PDGFRL: variants seen among roughly 807,000 people sequenced by gnomAD.
PDGFRL encodes the protein platelet-derived growth factor receptor-like protein.
In PDGFRL, 46 loss-of-function variants were observed where a neutral mutation model predicts 37.2. The ratio of observed to expected loss-of-function variants is 1.24; its 90% CI spans 0.98 to 1.58. The LOEUF (loss-of-function observed/expected upper bound fraction) is 1.58. PDGFRL is among the 40% of genes most tolerant of loss of function. PDGFRL has a pLI of 0.00. For missense variants in PDGFRL, 692 were observed against 467.6 expected (o/e 1.48, Z -4.43); for synonymous variants, 251 against 184.3 (o/e 1.36, Z -2.93).
chr8:17,621,321 C>G (rs1804629353), intron 3 of PDGFRL, 119 bp downstream of exon 3: 2 of 620,838 alleles, frequency 3.2e-6, no homozygotes, highest in Admixed American at 6.3e-5. Context: ...TCCTGTTTGC[C>G]AGGCTCTGGG....
rs575338644 is a variant in PDGFRL, at chr8:17,604,465, C to T, written c.353+14700C>T. Among the ~76,000 whole-genome samples, 15 of 152,156 alleles carry T rather than the reference C, an allele frequency of 9.9e-5. No individual in the cohort carries two copies. In the South Asian group the frequency reaches 2.9e-3, roughly 29 times the overall value. ...ATGGATGAAGCTGGAAACCATCATT[C>T]TCAGCAAACTGTCGTAAGGACAAAA... is the stretch of plus-strand genomic sequence containing the variant. On this transcript the variant is annotated intron_variant, in intron 2 of 5. Coordinates refer to ENST00000251630, the MANE Select transcript of PDGFRL (RefSeq NM_001372073.1).
chr8:17,621,857 G>C (rs1804641787), intron 3 of PDGFRL, among the ~76,000 whole-genome samples: 1 of 152,104 alleles, frequency 6.6e-6, no homozygotes, highest in Non-Finnish European at 1.5e-5. Flanking sequence ...TTTTTCGGTA[G>C]AAGTGAGGTC....
chr8:17,621,944 G>A (rs988591880), intron 3 of PDGFRL, among the ~76,000 whole-genome samples: 14 of 152,126 alleles, frequency 9.2e-5, no homozygotes, highest in African/African-American at 3.1e-4. Context: ...AATTGCTGTA[G>A]TTACAGGCAT....
intron 4 of PDGFRL, among the ~76,000 whole-genome samples, chr8:17,630,310 A>C (rs144154095): frequency 7.3e-4 from 111 of 152,324 alleles, no homozygotes; most frequent in South Asian, 3.5e-3. Flanking sequence ...ACTTCTTTCA[A>C]TGTGGCCATT....
intron 1 of PDGFRL, among the ~76,000 whole-genome samples, chr8:17,588,007 G>C (rs150807285): frequency 1.3e-5 from 2 of 152,020 alleles, no homozygotes; most frequent in African/African-American, 4.8e-5. Flanking sequence ...TTTAGAGTCC[G>C]GTGGCCCACC....
At chr8:17,639,882 TTA>T (rs2129857570) in intron 5 of PDGFRL, among the ~76,000 whole-genome samples, 1 of 152,342 alleles carries the variant, frequency 6.6e-6, no homozygotes, top group South Asian at 2.1e-4. Context: ...TTTCAAACTT[TTA>T]GATTTCTCCT....
chr8:17,633,181 C>A (rs1029797322), intron 4 of PDGFRL, among the ~76,000 whole-genome samples: 1 of 152,128 alleles, frequency 6.6e-6, no homozygotes, highest in African/African-American at 2.4e-5. Context: ...GTAATCCCAG[C>A]ACTATGGGAG....
chr8:17,584,095 G>A (rs1208765783), intron 1 of PDGFRL, among the ~76,000 whole-genome samples: 1 of 152,172 alleles, frequency 6.6e-6, no homozygotes, highest in East Asian at 1.9e-4. Flanking sequence ...TGGATGGAAG[G>A]AAAAGAGGCT....
intron 1 of PDGFRL, among the ~76,000 whole-genome samples, chr8:17,587,696 C>G (rs529361586): frequency 1.9e-4 from 29 of 151,306 alleles, no homozygotes; most frequent in African/African-American, 6.8e-4. Context: ...GGTGTGATCT[C>G]GGCTCACTGT....
At chr8:17,613,745 A>T (rs559630096) in intron 2 of PDGFRL, among the ~76,000 whole-genome samples, 1 of 152,146 alleles carries the variant, frequency 6.6e-6, no homozygotes, top group African/African-American at 2.4e-5. Context: ...CAGGCATGGT[A>T]GTGTGCACTT....
At chr8:17,638,520 A>G (rs960593451) in intron 5 of PDGFRL, among the ~76,000 whole-genome samples, 1 of 151,616 alleles carries the variant, frequency 6.6e-6, no homozygotes, top group Admixed American at 6.6e-5. Flanking sequence ...TATATTCTGC[A>G]GTTGTTGGGT....
At chr8:17,585,316 C>T (rs924239979) in intron 1 of PDGFRL, among the ~76,000 whole-genome samples, 2 of 152,056 alleles carry the variant, frequency 1.3e-5, no homozygotes, top group African/African-American at 4.8e-5. Flanking sequence ...GGGAATGCTG[C>T]CCAGTGGTTC....
chr8:17,591,422 G>T (rs1451160439), intron 2 of PDGFRL, among the ~76,000 whole-genome samples: 1 of 152,156 alleles, frequency 6.6e-6, no homozygotes, highest in Non-Finnish European at 1.5e-5. Context: ...TGTGTACGGG[G>T]TTACAGTCCT....
At chr8:17,615,863 T>G (rs1804512665) in intron 2 of PDGFRL, among the ~76,000 whole-genome samples, 2 of 152,226 alleles carry the variant, frequency 1.3e-5, no homozygotes, top group South Asian at 4.1e-4. Flanking sequence ...GAGCTATGAT[T>G]GCACCACTGT....
At chr8:17,620,966 C>A in intron 2 of PDGFRL, 85 bp from the exon 3 acceptor site, 3 of 951,898 alleles carry the variant, frequency 3.2e-6, no homozygotes, top group South Asian at 2.2e-5. Flanking sequence ...CAAGTCTGCC[C>A]AGAGAACAGT....
chr8:17,597,428 T>G lies in PDGFRL; in HGVS notation c.353+7663T>G, dbSNP rs554076793. On this transcript the variant is annotated intron_variant, in intron 2 of 5. Coordinates refer to ENST00000251630, the MANE Select transcript of PDGFRL (RefSeq NM_001372073.1). ...TCTTTTCCTACTAAATTGTGAAATGTTCTTGACACTCACCTACAAAAGCAG... is the reference window on the plus strand; with the variant it reads ...TCTTTTCCTACTAAATTGTGAAATGGTCTTGACACTCACCTACAAAAGCAG... 3.9e-5 allele frequency among the ~76,000 whole-genome samples: 6 copies of G among 152,360 alleles called. No individual in the cohort carries two copies. The South Asian group carries it at 1.2e-3, about 32-fold the overall frequency.
chr8:17,598,663 C>T (rs745620304), intron 2 of PDGFRL, among the ~76,000 whole-genome samples: 1 of 152,180 alleles, frequency 6.6e-6, no homozygotes, highest in Non-Finnish European at 1.5e-5. Context: ...GATCCATCCC[C>T]ATTGTCTCAG....
intron 2 of PDGFRL, among the ~76,000 whole-genome samples, chr8:17,599,613 C>T (rs1041822819): frequency 1.3e-5 from 2 of 152,204 alleles, no homozygotes; most frequent in African/African-American, 2.4e-5. Flanking sequence ...CAGCTCGCCA[C>T]GTGGCCGTGG....
At chr8:17,642,248 G>T (rs1354977541) in intron 5 of PDGFRL, among the ~76,000 whole-genome samples, 1 of 152,186 alleles carries the variant, frequency 6.6e-6, no homozygotes, top group Non-Finnish European at 1.5e-5. Flanking sequence ...GCTAGGAAAA[G>T]AAAGTGGGCA....
Sources: allele counts gnomAD v4.1 joint callset (sites outside exome capture counted in the v4.1 genomes callset), GRCh38; gene constraint gnomAD v4.1.1; transcripts MANE v1.5; gene names NCBI Gene and HGNC (gene_info 2026-07-23, HGNC 2026-07-21).